The following PPP1R14C variants were observed in gnomAD, a reference collection of about 807,000 sequenced individuals.
PPP1R14C encodes the protein protein phosphatase 1 regulatory subunit 14C.
A neutral mutation model predicts 20.4 loss-of-function variants in PPP1R14C; 16 were observed. That is an observed-to-expected ratio of 0.78 (90% confidence interval 0.53 to 1.19). PPP1R14C has a LOEUF of 1.19. PPP1R14C is among the 50% of genes most tolerant of loss of function. The pLI is 0.00. For missense variants in PPP1R14C, 211 were observed against 220.1 expected, an observed-to-expected ratio of 0.96 and a Z score of 0.26; for synonymous variants, 91 against 91.0, an observed-to-expected ratio of 1.00 and a Z score of 0.00.
chr6:150,151,419 C>T (rs556359633), intron 1 of PPP1R14C, among the ~76,000 whole-genome samples: 3 of 152,300 alleles, frequency 2.0e-5, no homozygotes, highest in African/African-American at 7.2e-5. Flanking sequence ...TGTTGATGCT[C>T]CTACAGCTCT....
chr6:150,173,252 A>G (rs1229102809), intron 1 of PPP1R14C, among the ~76,000 whole-genome samples: 1 of 151,956 alleles, frequency 6.6e-6, no homozygotes, highest in Non-Finnish European at 1.5e-5. Context: ...CTAGGAAACC[A>G]CATTGCATGA....
chr6:150,200,245 T>C (rs1777860347), intron 1 of PPP1R14C, among the ~76,000 whole-genome samples: 1 of 151,816 alleles, frequency 6.6e-6, no homozygotes, highest in South Asian at 2.1e-4. Flanking sequence ...CATACACACA[T>C]ACCTGTAGGA....
intron 3 of PPP1R14C, among the ~76,000 whole-genome samples, chr6:150,237,544 T>C (rs1360398390): frequency 2.0e-5 from 3 of 152,168 alleles, no homozygotes; most frequent in Non-Finnish European, 4.4e-5. Context: ...GACTGGAAAG[T>C]TCAGTGTAGT....
chr6:150,200,664 A>G (rs372476922), intron 1 of PPP1R14C, among the ~76,000 whole-genome samples: 9 of 152,292 alleles, frequency 5.9e-5, no homozygotes, highest in African/African-American at 1.9e-4. Context: ...AGAAGCAGCC[A>G]TATCCCCTAC....
chr6:150,173,875 C>T (rs1777527136), intron 1 of PPP1R14C, among the ~76,000 whole-genome samples: 1 of 151,956 alleles, frequency 6.6e-6, no homozygotes, highest in Non-Finnish European at 1.5e-5. Flanking sequence ...GAGTTCTGCT[C>T]ACGCCATTCC....
chr6:150,238,622 G>C (rs572993639), intron 3 of PPP1R14C, among the ~76,000 whole-genome samples: 4 of 152,398 alleles, frequency 2.6e-5, no homozygotes, highest in Non-Finnish European at 5.9e-5. Flanking sequence ...TGTTGGCAGG[G>C]CCTGTGTTTC....
chr6:150,145,214 T>G (rs1285726604), intron 1 of PPP1R14C, among the ~76,000 whole-genome samples: 3 of 152,252 alleles, frequency 2.0e-5, no homozygotes, highest in African/African-American at 7.2e-5. Context: ...GATTGTTTCC[T>G]GTGTGGAACA....
At chr6:150,160,431 AT>A (rs71010884) in intron 1 of PPP1R14C, among the ~76,000 whole-genome samples, 94,599 of 142,726 alleles carry the variant, frequency 0.66, 31,501 homozygotes, top group East Asian at 0.89. Context: ...CACCCAGCTA[AT>A]TTTTTTTTTT....
chr6:150,182,296 C>A (rs1459294425), intron 1 of PPP1R14C, among the ~76,000 whole-genome samples: 1 of 152,186 alleles, frequency 6.6e-6, no homozygotes, highest in African/African-American at 2.4e-5. Flanking sequence ...TTGCCTCAGG[C>A]TGCTATAACA....
chr6:150,242,650 G>GGTCA (rs1372181789), intron 3 of PPP1R14C, among the ~76,000 whole-genome samples: 5 of 152,184 alleles, frequency 3.3e-5, no homozygotes, highest in African/African-American at 1.2e-4. Flanking sequence ...TCAGTAACAT[G>GGTCA]GTCAGGGTAT....
At chr6:150,181,396 A>T (rs1437441376) in intron 1 of PPP1R14C, among the ~76,000 whole-genome samples, 1 of 152,190 alleles carries the variant, frequency 6.6e-6, no homozygotes, top group East Asian at 1.9e-4. Flanking sequence ...GCTGGTGGAC[A>T]GTGGTGGGCA....
At chr6:150,160,805 C>T (rs1487810343) in intron 1 of PPP1R14C, among the ~76,000 whole-genome samples, 1 of 151,986 alleles carries the variant, frequency 6.6e-6, no homozygotes, top group Admixed American at 6.6e-5. Context: ...CGAGCTGTTT[C>T]GATTGGTTCC....
intron 1 of PPP1R14C, among the ~76,000 whole-genome samples, chr6:150,144,072 T>A (rs1223289564): frequency 6.6e-6 from 1 of 152,250 alleles, no homozygotes; most frequent in Non-Finnish European, 1.5e-5. Context: ...GCCCCGACGG[T>A]GTCTCCATAA....
At chr6:150,245,576 C>T (rs1337872635) in intron 3 of PPP1R14C, among the ~76,000 whole-genome samples, 1 of 152,224 alleles carries the variant, frequency 6.6e-6, no homozygotes, top group African/African-American at 2.4e-5. Flanking sequence ...GATGGCCCCT[C>T]TCTGTTAATT....
rs145127649 is a variant in PPP1R14C, at chr6:150,144,811, A to C, written c.306+1313A>C. 1.4e-3 allele frequency among the ~76,000 whole-genome samples: 210 copies of C among 152,378 alleles called. 1 individual carries two copies. Among genetic ancestry groups the C allele is most frequent in the African/African-American group, 4.9e-3 (204 of 41,592 alleles). On this transcript the variant is annotated intron_variant, in intron 1 of 3. Coordinates refer to ENST00000361131, the MANE Select transcript of PPP1R14C (RefSeq NM_030949.3). ...GTTGTTTCTCCAGTCCAGCTCTTAC[A>C]AAAAGCTAATTTAATTGCATAAATA...
intron 1 of PPP1R14C, among the ~76,000 whole-genome samples, chr6:150,158,084 C>T (rs888722402): frequency 6.6e-6 from 1 of 152,184 alleles, no homozygotes; most frequent in African/African-American, 2.4e-5. Flanking sequence ...AGTCATCATA[C>T]TTGGCTAACT....
In PPP1R14C at chr6:150,248,808, G is replaced by T; in HGVS notation, c.486G>T (p.Lys162Asn). 1 of 1,611,394 alleles carries T rather than the reference G, an allele frequency of 6.2e-7. No individual in the cohort carries two copies. Among genetic ancestry groups the T allele is most frequent in the Non-Finnish European group, 8.5e-7 (1 of 1,177,588 alleles). Residue 162 changes from lysine to asparagine, a missense_variant, in exon 4 of 4, where the codon AAG (lysine) becomes AAT (asparagine). Transcript: ENST00000361131. ...TGAGGAAACTGAGCCCTCCGCAGAA[G>T]AAGAGTGTATGATTCTGGAACAGGG... ...RGMRKLSPPQ[K>N]KSV
intron 1 of PPP1R14C, among the ~76,000 whole-genome samples, chr6:150,204,606 T>G (rs959581628): frequency 3.3e-5 from 5 of 152,236 alleles, no homozygotes; most frequent in African/African-American, 1.2e-4. Flanking sequence ...TGGGCATGAT[T>G]GTGCCCGATT....
chr6:150,149,633 C>A (rs1207438839), intron 1 of PPP1R14C, among the ~76,000 whole-genome samples: 1 of 151,902 alleles, frequency 6.6e-6, no homozygotes, highest in Non-Finnish European at 1.5e-5. Flanking sequence ...CATCCTGGTG[C>A]CTTTGCAGGG....
Sources: allele counts gnomAD v4.1 joint callset (sites outside exome capture counted in the v4.1 genomes callset), GRCh38; gene constraint gnomAD v4.1.1; transcripts MANE v1.5; gene names NCBI Gene and HGNC (gene_info 2026-07-23, HGNC 2026-07-21).